DCP2: variants seen among roughly 807,000 people sequenced by gnomAD.
DCP2 encodes the protein decapping mRNA 2.
In DCP2, 30 loss-of-function variants were observed where a neutral mutation model predicts 56.1. The observed-to-expected ratio is 0.53, with a 90% CI of 0.40 to 0.73. DCP2 has a LOEUF of 0.73. Among genes scored for constraint, DCP2 ranks in the 30% least tolerant of loss-of-function variants. The probability of loss-of-function intolerance (pLI) is 0.00; values close to 1 mark genes in which losing one functional copy is unlikely to be tolerated. For synonymous variants in DCP2, 197 were observed against 163.3 expected, an observed-to-expected ratio of 1.21 and a Z score of -1.57; for missense variants, 533 against 502.7, an observed-to-expected ratio of 1.06 and a Z score of -0.58.
rs1162562338 is a variant in DCP2, at chr5:113,013,883, A to G, written c.*399A>G. 1.3e-5 allele frequency: 2 copies of G among 156,372 alleles called. No individual in the cohort carries two copies. The highest frequency in any genetic ancestry group is 2.8e-5 in the Non-Finnish European group (2 of 70,832). The allele number at this position is 156,372 out of a possible 1,614,324, so 9.7% of individuals were successfully genotyped here. A position where few individuals can be genotyped will look rare whatever the true frequency, so the allele number is the denominator to read the frequency against. ...ATATTGGAGTTTTTCAAAGAAACTT[A>G]AAGTAATGCCCAATTATTAAATGAA... On this transcript the variant is annotated 3_prime_UTR_variant, in exon 11 of 11. Coordinates refer to ENST00000389063, the MANE Select transcript of DCP2 (RefSeq NM_152624.6).
chr5:112,998,505 C>G (rs901493185), intron 4 of DCP2, among the ~76,000 whole-genome samples: 1 of 152,156 alleles, frequency 6.6e-6, no homozygotes, highest in African/African-American at 2.4e-5. Flanking sequence ...AGACTGAACT[C>G]CTTAAAGGGT....
In DCP2 at chr5:112,980,062, T is replaced by A. The variant is rs146137722; in HGVS notation, c.53+3076T>A. Among the ~76,000 whole-genome samples, 6 of 152,328 alleles carry A rather than the reference T, an allele frequency of 3.9e-5. No individual in the cohort carries two copies. In the East Asian group the frequency reaches 1.2e-3, roughly 29 times the overall value. ...AAAAAATGCTTTATAATTTAAAATG[T>A]ATGTGTAAAGGTGAATCTGCAGCAT... is the stretch of plus-strand genomic sequence containing the variant. On this transcript the variant is annotated intron_variant, in intron 1 of 10. Coordinates refer to ENST00000389063, the MANE Select transcript of DCP2 (RefSeq NM_152624.6).
chr5:112,983,937 A>G (rs977370125), intron 1 of DCP2: 4 of 152,362 alleles, frequency 2.6e-5, no homozygotes, highest in Non-Finnish European at 2.9e-5. Flanking sequence ...ATCTTAAAAT[A>G]TAGTATTTAC....
chr5:113,003,098 A>G (rs1749253832), intron 7 of DCP2, among the ~76,000 whole-genome samples: 1 of 152,254 alleles, frequency 6.6e-6, no homozygotes, highest in Admixed American at 6.5e-5. Flanking sequence ...TATTCTGAGG[A>G]CAGGAGCTTG....
At chr5:113,012,348 A>C (rs1749710317) in intron 10 of DCP2, among the ~76,000 whole-genome samples, 1 of 152,210 alleles carries the variant, frequency 6.6e-6, no homozygotes, top group African/African-American at 2.4e-5. Context: ...ACAGAATGAG[A>C]CCATCTCGAA....
At chr5:112,994,481 A>T (rs1415347792) in intron 4 of DCP2, among the ~76,000 whole-genome samples, 3 of 152,018 alleles carry the variant, frequency 2.0e-5, no homozygotes, top group African/African-American at 7.2e-5. Flanking sequence ...CTTCATTCTT[A>T]CTTAAAATTC....
In DCP2 at chr5:112,976,841, C is replaced by A; in HGVS notation, c.-93C>A. ...GTCTCTGCCGCGGCTTCCTCGGCTG[C>A]CAGCTCTCCGGCGAGCCGGAGTCCT... On this transcript the variant is annotated 5_prime_UTR_variant, in exon 1 of 11. Transcript: ENST00000389063. 1 of 1,374,852 alleles carries A rather than the reference C, an allele frequency of 7.3e-7. No homozygotes were observed. The allele number at this position is 1,374,852 out of a possible 1,614,324, so 85.2% of individuals were successfully genotyped here. A position where few individuals can be genotyped will look rare whatever the true frequency, so the allele number is the denominator to read the frequency against.
intron 8 of DCP2, among the ~76,000 whole-genome samples, chr5:113,007,183 T>C (rs1433608202): frequency 6.6e-6 from 1 of 152,138 alleles, no homozygotes; most frequent in East Asian, 1.9e-4. Flanking sequence ...GTAAAAACTT[T>C]GTAAAAATTA....
intron 10 of DCP2, among the ~76,000 whole-genome samples, chr5:113,011,090 T>G (rs1749663060): frequency 6.6e-6 from 1 of 152,144 alleles, no homozygotes; most frequent in Non-Finnish European, 1.5e-5. Flanking sequence ...TGCATAAGGA[T>G]TTGGGGAGAG....
Position 113,005,201 on chromosome 5 carries a change from C to T in DCP2, c.942+1124C>T, listed in dbSNP as rs1391111221. Among the ~76,000 whole-genome samples, 3 of 148,350 alleles carry T rather than the reference C, an allele frequency of 2.0e-5. No homozygotes were observed. The East Asian group carries it at 5.8e-4, about 29-fold the overall frequency. On this transcript the variant is annotated intron_variant, in intron 8 of 10. Coordinates refer to ENST00000389063, the MANE Select transcript of DCP2 (RefSeq NM_152624.6). Reference sequence around the variant, plus strand: ...GGCTTGTCAAAATTAAACTTTTGTGCTTCAGAAGACATTTTCAAAATAGTG... The same window carrying T: ...GGCTTGTCAAAATTAAACTTTTGTGTTTCAGAAGACATTTTCAAAATAGTG...
At position 112,976,806 on chromosome 5, in the gene DCP2, C is replaced by G. The variant is rs190336737; in HGVS notation, c.-128C>G. On this transcript the variant is annotated 5_prime_UTR_variant, in exon 1 of 11. Transcript: ENST00000389063. The stretch of plus-strand genomic sequence containing the variant: ...TCCCGCCCCTTCCCCTTCTCGTCTC[C>G]GTTGGAGTCGTCTCTGCCGCGGCTT... The G allele has an allele frequency of 3.8e-5, 35 of 932,990 alleles. No homozygotes were observed. The highest frequency in any genetic ancestry group is 1.4e-4 in the Admixed American group (8 of 59,158). 57.8% of individuals were successfully genotyped at this position (932,990 alleles called of 1,614,324 possible). A position where few individuals can be genotyped will look rare whatever the true frequency, so the allele number is the denominator to read the frequency against.
rs1226984384 is a variant in DCP2 at position 113,019,406 on chromosome 5, C to G, written c.*5922C>G. ...ACAGAAAAGCACAGAAGACATACTG[C>G]TAAGAGTTTCTTTGTGCATTTCACT... On this transcript the variant is annotated 3_prime_UTR_variant, in exon 11 of 11. Transcript: ENST00000389063. 1 of 152,266 alleles carries G rather than the reference C, an allele frequency of 6.6e-6. No homozygotes were observed. The highest frequency in any genetic ancestry group is 1.9e-4 in the East Asian group (1 of 5,186). 9.4% of individuals were successfully genotyped at this position (152,266 alleles called of 1,614,324 possible). A position where few individuals can be genotyped will look rare whatever the true frequency, so the allele number is the denominator to read the frequency against.
At chr5:112,979,022 C>T (rs907327338) in intron 1 of DCP2, among the ~76,000 whole-genome samples, 2 of 147,454 alleles carry the variant, frequency 1.4e-5, no homozygotes, top group Admixed American at 6.6e-5. Flanking sequence ...CAGCTGTTAA[C>T]GATTTTATGT....
chr5:113,017,382 A>T lies in DCP2; in HGVS notation c.*3898A>T, dbSNP rs1685966128. 6.6e-6 allele frequency: 1 copy of T among 152,240 alleles called. No homozygotes were observed. Among genetic ancestry groups the T allele is most frequent in the Non-Finnish European group, 1.5e-5 (1 of 68,036 alleles). The allele number at this position is 152,240 out of a possible 1,614,324, so 9.4% of individuals were successfully genotyped here. On this transcript the variant is annotated 3_prime_UTR_variant, in exon 11 of 11. Transcript: ENST00000389063. ...GTTAGTAAAAACAATTTTGTCAAACAGTACTCCTGACAGCTTGGTAAAGTC... is the reference window on the plus strand; with the variant it reads ...GTTAGTAAAAACAATTTTGTCAAACTGTACTCCTGACAGCTTGGTAAAGTC...
At position 113,019,787 on chromosome 5, in the gene DCP2, C is replaced by T. The variant is rs2150198326; in HGVS notation, c.*6303C>T. 1 of 152,306 alleles carries T rather than the reference C, an allele frequency of 6.6e-6. No individual in the cohort carries two copies. Among genetic ancestry groups the T allele is most frequent in the African/African-American group, 2.4e-5 (1 of 41,572 alleles). 9.4% of individuals were successfully genotyped at this position (152,306 alleles called of 1,614,324 possible). ...TATTGACTTATCCTAGATCCATGTA[C>T]AATTCAGACTTTTATCTGTTAGCTT... On this transcript the variant is annotated 3_prime_UTR_variant, in exon 11 of 11. Coordinates refer to ENST00000389063, the MANE Select transcript of DCP2 (RefSeq NM_152624.6).
At position 112,994,276 on chromosome 5, in the gene DCP2, A is replaced by G. The variant is rs746572763; in HGVS notation, c.432+1506A>G. 1.3e-4 allele frequency among the ~76,000 whole-genome samples: 20 copies of G among 149,700 alleles called. No homozygotes were observed. In the East Asian group the frequency reaches 2.8e-3, roughly 21 times the overall value. ...AGCCTCGACCGCCTGGGCTCAAGCA[A>G]TCCTCCTGCCTCAGCCTCCCAAGTA... On this transcript the variant is annotated intron_variant, in intron 4 of 10. Coordinates refer to ENST00000389063, the MANE Select transcript of DCP2 (RefSeq NM_152624.6).
intron 8 of DCP2, among the ~76,000 whole-genome samples, chr5:113,004,935 C>G (rs1749347751): frequency 6.6e-6 from 1 of 151,768 alleles, no homozygotes; most frequent in Non-Finnish European, 1.5e-5. Context: ...GAGATCAGCC[C>G]CGACATGGTG....
intron 1 of DCP2, among the ~76,000 whole-genome samples, chr5:112,979,107 A>C (rs753116610): frequency 6.8e-6 from 1 of 147,582 alleles, no homozygotes; most frequent in Middle Eastern, 3.4e-3. Context: ...TGTTAAAGAT[A>C]GTTGGTTTTC....
intron 4 of DCP2, among the ~76,000 whole-genome samples, chr5:112,997,355 A>G (rs1173381210): frequency 2.0e-5 from 3 of 152,248 alleles, no homozygotes; most frequent in Non-Finnish European, 4.4e-5. Flanking sequence ...TCTTGAGAAT[A>G]AGCGAATAAT....
Sources: gnomAD v4.1 joint callset for allele counts (sites outside exome capture counted in the v4.1 genomes callset) on GRCh38, gnomAD v4.1.1 for gene constraint, MANE v1.5 for transcripts, NCBI Gene and HGNC (gene_info 2026-07-23, HGNC 2026-07-21) for gene names.